The following CNIH3 variants were observed in gnomAD, a reference collection of about 807,000 sequenced individuals.
The protein encoded by CNIH3 is cornichon family AMPA receptor auxiliary protein 3.
In CNIH3, 14 loss-of-function variants were observed where a neutral mutation model predicts 24.1. That is an observed-to-expected ratio of 0.58 (90% CI 0.38 to 0.91). The LOEUF (loss-of-function observed/expected upper bound fraction) is 0.91, where lower values mean the gene tolerates loss of function less well. Ranked by LOEUF, CNIH3 falls within the 40% of genes least tolerant of loss-of-function variation. The pLI, the probability that CNIH3 is intolerant of heterozygous loss-of-function variation, is 0.00. For synonymous variants in CNIH3, 68 were observed against 73.8 expected (o/e 0.92, Z 0.40); for missense variants, 178 against 196.8 (o/e 0.90, Z 0.57).
chr1:224,441,042 T>C (rs2102944922), intron 1 of CNIH3, among the ~76,000 whole-genome samples: 1 of 152,272 alleles, frequency 6.6e-6, no homozygotes, highest in Non-Finnish European at 1.5e-5. Flanking sequence ...GGTCTCAATC[T>C]CCTGACCTCA....
chr1:224,576,796 T>A (rs1018244295), intron 4 of CNIH3, among the ~76,000 whole-genome samples: 2 of 152,128 alleles, frequency 1.3e-5, no homozygotes, highest in African/African-American at 2.4e-5. Context: ...TCTAGAGACA[T>A]CACACATTAC....
downstream of CNIH3, among the ~76,000 whole-genome samples, chr1:224,542,279 C>T (rs1374045305): frequency 3.3e-5 from 5 of 152,158 alleles, no homozygotes; most frequent in Admixed American, 6.6e-5. Flanking sequence ...GTCTATTCTA[C>T]GTAACAATAA....
At chr1:224,734,104 G>A (rs1258439795) in intron 4 of CNIH3, among the ~76,000 whole-genome samples, 2 of 152,240 alleles carry the variant, frequency 1.3e-5, no homozygotes, top group Non-Finnish European at 2.9e-5. Context: ...GAAAGCACCT[G>A]TAAACTGCTC....
intron 1 of CNIH3, among the ~76,000 whole-genome samples, chr1:224,457,271 CTCTCTGTGTGTGTGTGTGTGTGTG>C (rs1447120840): frequency 1.2e-5 from 1 of 82,208 alleles, no homozygotes; most frequent in Non-Finnish European, 3.2e-5. Context: ...CCTCCTCTCT[CTCTCTGTGTGTGTGTGTGTGTGTG>C]TGTGTGTGTG....
chr1:224,524,961 C>T lies in CNIH3; in HGVS notation n.343+3634C>T, dbSNP rs144028010. 2.0e-4 allele frequency among the ~76,000 whole-genome samples: 30 copies of T among 152,254 alleles called. No homozygotes were observed. In the Middle Eastern group the frequency reaches 0.02, roughly 104 times the overall value. The stretch of plus-strand genomic sequence containing the variant: ...TTCCCTTTGCACTGATGCTGTTAGA[C>T]TATAGGATATAAATCTGTAGCGGTT... On this transcript the variant is annotated intron_variant and non_coding_transcript_variant, in intron 2 of 2. Transcript: ENST00000470602.
chr1:224,592,394 G>C (rs1045464961), downstream of CNIH3, among the ~76,000 whole-genome samples: 1 of 152,134 alleles, frequency 6.6e-6, no homozygotes, highest in Non-Finnish European at 1.5e-5. Context: ...AAAAAGGAAG[G>C]GAAATCACGG....
chr1:224,717,329 C>T (rs889802893), intron 3 of CNIH3, among the ~76,000 whole-genome samples: 19 of 152,164 alleles, frequency 1.2e-4, no homozygotes, highest in African/African-American at 4.6e-4. Context: ...AGAAGAGAAG[C>T]TTGCTCCTTA....
intron 2 of CNIH3, among the ~76,000 whole-genome samples, chr1:224,524,359 T>C (rs1398326059): frequency 6.6e-6 from 1 of 152,240 alleles, no homozygotes; most frequent in African/African-American, 2.4e-5. Context: ...TGTTTCCCCT[T>C]CTCATTTCCA....
chr1:224,669,904 G>T (rs928468567), intron 1 of CNIH3, among the ~76,000 whole-genome samples: 1 of 152,118 alleles, frequency 6.6e-6, no homozygotes, highest in African/African-American at 2.4e-5. Context: ...GACTTGCATG[G>T]TATGTGTAAC....
chr1:224,733,290 G>C (rs548375733), intron 4 of CNIH3, among the ~76,000 whole-genome samples: 1 of 152,356 alleles, frequency 6.6e-6, no homozygotes, highest in East Asian at 1.9e-4. Context: ...GTGGTGACTG[G>C]TGACTGGCAG....
At chr1:224,627,330 A>C (rs1306653549) in intron 1 of CNIH3, among the ~76,000 whole-genome samples, 2 of 151,298 alleles carry the variant, frequency 1.3e-5, no homozygotes, top group African/African-American at 4.9e-5. Flanking sequence ...GGTTCAAGCA[A>C]TTCTCCTGCC....
At chr1:224,463,773 A>ATTTT (rs56137320) in intron 1 of CNIH3, among the ~76,000 whole-genome samples, 297 of 20,730 alleles carry the variant, frequency 0.014, 51 homozygotes, top group Middle Eastern at 0.029. Flanking sequence ...AATTGTCCTC[A>ATTTT]TTTTTTTTTT....
intron 3 of CNIH3, among the ~76,000 whole-genome samples, chr1:224,560,062 G>A (rs915708876): frequency 2.0e-5 from 3 of 152,190 alleles, no homozygotes; most frequent in Non-Finnish European, 4.4e-5. Flanking sequence ...ATTGTTGGGT[G>A]TAGTTTTGAT....
chr1:224,645,348 A>C (rs149427048), intron 1 of CNIH3, among the ~76,000 whole-genome samples: 4,100 of 152,210 alleles, frequency 0.027, 92 homozygotes, highest in Middle Eastern at 0.044. Context: ...CGGTACACTC[A>C]CCTCTTGAAG....
intron 3 of CNIH3, among the ~76,000 whole-genome samples, chr1:224,553,981 A>G (rs1680033506): frequency 1.3e-5 from 2 of 152,192 alleles, no homozygotes; most frequent in African/African-American, 4.8e-5. Flanking sequence ...TTGAGGATTC[A>G]TTCATTACAT....
At position 224,684,838 on chromosome 1, in the gene CNIH3, C is replaced by G. The variant is rs758519824; in HGVS notation, c.193C>G (p.Arg65Gly). ...CATCGAGCGCATCTGCTTCCTTCTG[C>G]GAAAGGTCAGTGTGGCAGCTTCATG... ...RNIERICFLL[R>G]KLVLPEYSIH... Residue 65 changes from arginine to glycine, a missense_variant, in exon 3 of 6, where the codon CGA (arginine) becomes GGA (glycine). Coordinates refer to ENST00000272133, the MANE Select transcript of CNIH3 (RefSeq NM_152495.2). The surrounding 1 kb of genome is among the most constrained non-coding windows in gnomAD (Gnocchi z 4.2). 1.5e-5 allele frequency: 24 copies of G among 1,613,848 alleles called. No homozygotes were observed. The highest frequency in any genetic ancestry group is 1.8e-5 in the Non-Finnish European group (21 of 1,179,864).
intron 1 of CNIH3, among the ~76,000 whole-genome samples, chr1:224,501,130 G>A (rs1263333766): frequency 6.6e-6 from 1 of 152,010 alleles, no homozygotes; most frequent in African/African-American, 2.4e-5. Flanking sequence ...AGCATATCAT[G>A]TTTCTATCTC....
intron 3 of CNIH3, among the ~76,000 whole-genome samples, chr1:224,562,696 T>C (rs915721079): frequency 6.6e-6 from 1 of 152,028 alleles, no homozygotes; most frequent in African/African-American, 2.4e-5. Context: ...CTAGTTCACA[T>C]GAGAGTGGTT....
At chr1:224,593,656 C>T (rs1681857976) in intron 3 of CNIH3, among the ~76,000 whole-genome samples, 1 of 151,818 alleles carries the variant, frequency 6.6e-6, no homozygotes, top group Non-Finnish European at 1.5e-5. Flanking sequence ...ATCATATGGA[C>T]CCCACAAATA....
Sources: allele counts gnomAD v4.1 joint callset (sites outside exome capture counted in the v4.1 genomes callset), GRCh38; gene constraint gnomAD v4.1.1; non-coding constraint Gnocchi (gnomAD v3.1); transcripts MANE v1.5; gene names NCBI Gene and HGNC (gene_info 2026-07-23, HGNC 2026-07-21).